GNAL: variants seen among roughly 807,000 people sequenced by gnomAD.
GNAL encodes the protein guanine nucleotide-binding protein G(olf) subunit alpha.
Under a neutral mutation model 55.1 loss-of-function variants are expected in GNAL, and 18 were observed. The observed-to-expected ratio is 0.33, with a 90% CI of 0.23 to 0.48. The LOEUF (loss-of-function observed/expected upper bound fraction) is 0.48, where lower values mean the gene tolerates loss of function less well. Among genes scored for constraint, GNAL ranks in the 20% least tolerant of loss-of-function variants. The pLI is 0.99. For missense variants in GNAL, 412 were observed against 614.1 expected, an observed-to-expected ratio of 0.67 and a Z score of 3.48; for synonymous variants, 253 against 237.0, an observed-to-expected ratio of 1.07 and a Z score of -0.62.
intron 1 of GNAL, among the ~76,000 whole-genome samples, chr18:11,701,664 G>T (rs1174972889): frequency 1.3e-5 from 2 of 151,980 alleles, no homozygotes; most frequent in African/African-American, 4.8e-5. Flanking sequence ...CCTGGCAGCT[G>T]GTTTCCTGTT....
intron 4 of GNAL, among the ~76,000 whole-genome samples, chr18:11,775,206 C>T (rs10164166): frequency 6.6e-6 from 1 of 152,074 alleles, no homozygotes; most frequent in Non-Finnish European, 1.5e-5. Context: ...GATGAAAGCA[C>T]TGTGTTCTGG....
At chr18:11,819,530 C>T (rs962591176) in intron 4 of GNAL, among the ~76,000 whole-genome samples, 6 of 151,914 alleles carry the variant, frequency 3.9e-5, no homozygotes, top group African/African-American at 1.4e-4. Context: ...AACAAATATT[C>T]ACATATATCA....
chr18:11,881,351 A>T lies in GNAL; in HGVS notation c.*216A>T. 6 of 414,540 alleles carry T rather than the reference A, an allele frequency of 1.4e-5. No homozygotes were observed. In the South Asian group the frequency reaches 2.2e-4, roughly 15 times the overall value. 25.7% of individuals were successfully genotyped at this position (414,540 alleles called of 1,614,324 possible). On this transcript the variant is annotated 3_prime_UTR_variant, in exon 12 of 12. Coordinates refer to ENST00000334049, the MANE Select transcript of GNAL (RefSeq NM_182978.4). This position sits in a 1 kb window ranked among gnomAD's most constrained non-coding sequence, Gnocchi z 4.8. ...GCCTCCCGCAGCATCCCACCCCCAAACCACCGACTCTCATTGCCGACACTG... is the reference window on the plus strand; with the variant it reads ...GCCTCCCGCAGCATCCCACCCCCAATCCACCGACTCTCATTGCCGACACTG...
At chr18:11,848,607 C>T (rs1372198092) in intron 5 of GNAL, among the ~76,000 whole-genome samples, 1 of 151,960 alleles carries the variant, frequency 6.6e-6, no homozygotes, top group African/African-American at 2.4e-5. Context: ...CAGGCATGCA[C>T]CACCACACCC....
At chr18:11,791,941 G>C (rs2034249895) in intron 4 of GNAL, among the ~76,000 whole-genome samples, 1 of 151,484 alleles carries the variant, frequency 6.6e-6, no homozygotes, top group Non-Finnish European at 1.5e-5. Context: ...GCACAGTTAA[G>C]CCAGTCTGTT....
intron 3 of GNAL, 62 bp downstream of exon 3, chr18:11,753,744 T>C (rs2143109669): frequency 6.8e-7 from 1 of 1,474,846 alleles, no homozygotes; most frequent in South Asian, 1.1e-5. Flanking sequence ...TCTAAAACTG[T>C]GTAGACAGAA....
chr18:11,818,983 G>A (rs909682884), intron 4 of GNAL, among the ~76,000 whole-genome samples: 7 of 152,302 alleles, frequency 4.6e-5, no homozygotes, highest in Non-Finnish European at 7.4e-5. Flanking sequence ...GTGGACCACC[G>A]GCCACCCCCA....
At chr18:11,774,884 G>A (rs2033736232) in intron 4 of GNAL, among the ~76,000 whole-genome samples, 1 of 152,110 alleles carries the variant, frequency 6.6e-6, no homozygotes, top group African/African-American at 2.4e-5. Context: ...ATATTTCTAA[G>A]TCTTATTGAG....
At chr18:11,879,140 C>T (rs2036601864) in intron 11 of GNAL, among the ~76,000 whole-genome samples, 1 of 150,080 alleles carries the variant, frequency 6.7e-6, no homozygotes, top group African/African-American at 2.4e-5. Flanking sequence ...ATATATATAA[C>T]CTACTCATTT....
intron 1 of GNAL, among the ~76,000 whole-genome samples, chr18:11,691,827 C>T (rs2031256764): frequency 6.6e-6 from 1 of 152,126 alleles, no homozygotes; most frequent in African/African-American, 2.4e-5. Flanking sequence ...ACCAGCTGCA[C>T]GAAAGGGTGG....
intron 4 of GNAL, among the ~76,000 whole-genome samples, chr18:11,797,180 C>G (rs887557029): frequency 2.0e-5 from 3 of 152,230 alleles, no homozygotes; most frequent in Non-Finnish European, 2.9e-5. Context: ...GATCCACCCC[C>G]CTTGGCCTCC....
intron 5 of GNAL, chr18:11,853,169 C>T (rs1446500046): frequency 6.0e-6 from 1 of 167,022 alleles, no homozygotes; most frequent in East Asian, 1.9e-4. Flanking sequence ...AGCAAGAACT[C>T]TTGGAAATCC....
chr18:11,862,507 A>G, intron 6 of GNAL, 58 bp downstream of exon 6: 2 of 1,264,914 alleles, frequency 1.6e-6, no homozygotes, highest in Non-Finnish European at 2.3e-6. Flanking sequence ...CATTTCCAAT[A>G]TGATTTAATG....
chr18:11,807,229 C>T (rs2034688224), intron 4 of GNAL, among the ~76,000 whole-genome samples: 1 of 152,052 alleles, frequency 6.6e-6, no homozygotes, highest in Admixed American at 6.6e-5. Context: ...TGGTCTCATT[C>T]TTTTTACAGC....
intron 4 of GNAL, among the ~76,000 whole-genome samples, chr18:11,791,951 T>A (rs1423274672): frequency 6.6e-6 from 1 of 151,880 alleles, no homozygotes; most frequent in Non-Finnish European, 1.5e-5. Flanking sequence ...GCCAGTCTGT[T>A]AAAGACTGTT....
intron 1 of GNAL, among the ~76,000 whole-genome samples, chr18:11,731,370 A>T (rs1333062112): frequency 6.6e-6 from 1 of 152,210 alleles, no homozygotes; most frequent in Non-Finnish European, 1.5e-5. Context: ...CTGGTTCTCC[A>T]ACTCCTGACC....
At chr18:11,825,132 T>G (rs1362693671) in intron 5 of GNAL, 117 bp downstream of exon 5, 1 of 636,620 alleles carries the variant, frequency 1.6e-6, no homozygotes, top group Non-Finnish European at 2.8e-6. Flanking sequence ...AATTAACCTT[T>G]TATGACAGAA....
chr18:11,716,189 G>A (rs940706625), intron 1 of GNAL, among the ~76,000 whole-genome samples: 2 of 152,166 alleles, frequency 1.3e-5, no homozygotes, highest in African/African-American at 4.8e-5. Flanking sequence ...TACTGTGTCC[G>A]GAATTGGTGG....
intron 4 of GNAL, among the ~76,000 whole-genome samples, chr18:11,821,489 C>T (rs1422680073): frequency 1.3e-5 from 2 of 152,126 alleles, no homozygotes; most frequent in South Asian, 2.1e-4. Flanking sequence ...GTACTGTGCA[C>T]AGTACCCTCG....
Sources: allele counts gnomAD v4.1 joint callset (sites outside exome capture counted in the v4.1 genomes callset), GRCh38; gene constraint gnomAD v4.1.1; non-coding constraint Gnocchi (gnomAD v3.1); transcripts MANE v1.5; gene names NCBI Gene and HGNC (gene_info 2026-07-23, HGNC 2026-07-21).